Variants in STK38 observed in about 807,000 individuals in gnomAD.
STK38 encodes serine/threonine kinase 38.
STK38 carries 26 observed loss-of-function variants against 59.0 expected under a neutral mutation model. The observed-to-expected ratio is 0.44, with a 90% confidence interval of 0.32 to 0.61. STK38 has a LOEUF of 0.61. STK38 is among the 20% of genes least tolerant of loss of function. The pLI is 0.04. For synonymous variants in STK38, 175 were observed against 176.6 expected, an observed-to-expected ratio of 0.99 and a Z score of 0.07; for missense variants, 433 against 566.0, an observed-to-expected ratio of 0.76 and a Z score of 2.38.
intron 5 of STK38, 95 bp from the exon 6 acceptor site, chr6:36,517,935 G>A: frequency 7.2e-7 from 1 of 1,395,168 alleles, no homozygotes; most frequent in Non-Finnish European, 9.6e-7. Flanking sequence ...CTTAAATACT[G>A]TTTTGAGTAT....
In STK38 at chr6:36,499,963, A is replaced by G. The variant is rs751937208; in HGVS notation, c.862T>C (p.Tyr288His). The G allele has an allele frequency of 1.2e-6, 2 of 1,614,058 alleles. No homozygotes were observed. Among genetic ancestry groups the G allele is most frequent in the Non-Finnish European group, 1.7e-6 (2 of 1,179,962 alleles). ...LAFSTVGTPD[Y>H]IAPEVFMQTG... ...TGCATGAACACCTCAGGAGCAATGTAGTCAGGAGTGCCTACTGTGGAGAAG... is the reference window on the plus strand; with the variant it reads ...TGCATGAACACCTCAGGAGCAATGTGGTCAGGAGTGCCTACTGTGGAGAAG... Residue 288 changes from tyrosine to histidine, a missense_variant, in exon 10 of 14, where the codon TAC (tyrosine) becomes CAC (histidine). Transcript: ENST00000229812.
At chr6:36,525,213 A>G (rs1777481990) in intron 3 of STK38, among the ~76,000 whole-genome samples, 1 of 152,236 alleles carries the variant, frequency 6.6e-6, no homozygotes, top group Non-Finnish European at 1.5e-5. Context: ...CATGTTCAGC[A>G]CACGTATGTA....
Position 36,546,522 on chromosome 6 carries a change from C to A in STK38, c.-6+668G>T, listed in dbSNP as rs149435632. 1.2e-3 allele frequency among the ~76,000 whole-genome samples: 185 copies of A among 152,336 alleles called. 1 individual carries two copies. Among genetic ancestry groups the A allele is most frequent in the African/African-American group, 3.9e-3 (163 of 41,582 alleles). ...GGTGCATTTCAAACAGAACAAGTTT[C>A]TCTCCGAGTCTTTTAGTCGTTTCAG... On this transcript the variant is annotated intron_variant, in intron 1 of 13. Coordinates refer to ENST00000229812, the MANE Select transcript of STK38 (RefSeq NM_007271.4).
At chr6:36,502,143 CT>C (rs1046003165) in intron 9 of STK38, among the ~76,000 whole-genome samples, 2 of 151,016 alleles carry the variant, frequency 1.3e-5, no homozygotes, top group East Asian at 1.9e-4. Context: ...AATGGGATCT[CT>C]TTTTTTTTCT....
At chr6:36,544,623 C>T (rs981817150) in intron 1 of STK38, among the ~76,000 whole-genome samples, 3 of 152,168 alleles carry the variant, frequency 2.0e-5, no homozygotes, top group African/African-American at 7.2e-5. Context: ...CTGGTGCACC[C>T]CTGTAATCTC....
rs1253220593 is a variant in STK38, at chr6:36,518,090, G to A, written c.391-250C>T. Among the ~76,000 whole-genome samples the A allele has an allele frequency of 2.0e-5, 3 of 152,172 alleles. No individual in the cohort carries two copies. The South Asian group carries it at 6.2e-4, about 31-fold the overall frequency. ...AAATGGCAAAATGAATGGCTTTAATGCAAATAGCAACTTTAACACTGCTAT... is the reference window on the plus strand; with the variant it reads ...AAATGGCAAAATGAATGGCTTTAATACAAATAGCAACTTTAACACTGCTAT... On this transcript the variant is annotated intron_variant, in intron 5 of 13. Coordinates refer to ENST00000229812, the MANE Select transcript of STK38 (RefSeq NM_007271.4).
chr6:36,512,215 T>A (rs1777127464), intron 7 of STK38, among the ~76,000 whole-genome samples: 1 of 152,244 alleles, frequency 6.6e-6, no homozygotes, highest in South Asian at 2.1e-4. Flanking sequence ...TTTAGGACTA[T>A]AATCTATGTG....
intron 2 of STK38, among the ~76,000 whole-genome samples, chr6:36,535,118 T>C (rs540374125): frequency 9.9e-5 from 15 of 152,182 alleles, no homozygotes; most frequent in African/African-American, 3.6e-4. Context: ...CACTAAAAAT[T>C]ATGAAAACAC....
At chr6:36,507,930 A>ATTTTTTTT (rs35789250) in intron 7 of STK38, among the ~76,000 whole-genome samples, 2 of 113,258 alleles carry the variant, frequency 1.8e-5, no homozygotes, top group Admixed American at 1.1e-4. Context: ...GGTATTCAGA[A>ATTTTTTTT]TTTTTTTTTT....
intron 2 of STK38, among the ~76,000 whole-genome samples, chr6:36,539,566 G>A (rs182286247): frequency 7.9e-5 from 12 of 152,184 alleles, no homozygotes; most frequent in Admixed American, 2.6e-4. Context: ...AAGGCAAGTA[G>A]TATTATCCCC....
At chr6:36,502,030 A>G (rs570274311) in intron 9 of STK38, among the ~76,000 whole-genome samples, 1 of 152,312 alleles carries the variant, frequency 6.6e-6, no homozygotes, top group South Asian at 2.1e-4. Context: ...GTTAGTCCCT[A>G]TTTAAACCAA....
rs568096878 is a variant in STK38, at chr6:36,541,605, A to T, written c.-5-1398T>A. Among the ~76,000 whole-genome samples, 8 of 152,328 alleles carry T rather than the reference A, an allele frequency of 5.3e-5. No homozygotes were observed. In the East Asian group the frequency reaches 1.5e-3, roughly 29 times the overall value. On this transcript the variant is annotated intron_variant, in intron 1 of 13. Transcript: ENST00000229812. ...CAATAAAATAATGTGCAGACAATTAAAATATGTCCAAATAGTTAATGTCAG... is the reference window on the plus strand; with the variant it reads ...CAATAAAATAATGTGCAGACAATTATAATATGTCCAAATAGTTAATGTCAG...
At chr6:36,506,681 G>A (rs746164757) in intron 8 of STK38, 37 bp from the exon 9 acceptor site, 3 of 1,594,006 alleles carry the variant, frequency 1.9e-6, no homozygotes, top group Non-Finnish European at 2.6e-6. Context: ...TCAAAGTTCA[G>A]ACCAAAATGT....
chr6:36,517,457 T>C (rs1434643045), intron 6 of STK38, among the ~76,000 whole-genome samples: 1 of 152,128 alleles, frequency 6.6e-6, no homozygotes, highest in African/African-American at 2.4e-5. Flanking sequence ...TTCCTATATA[T>C]TTTAAAAAGA....
chr6:36,521,612 T>C (rs1777377243), intron 5 of STK38, 122 bp downstream of exon 5: 2 of 570,292 alleles, frequency 3.5e-6, no homozygotes, highest in East Asian at 3.4e-5. Context: ...ATTATATATA[T>C]AGTCATACAT....
intron 8 of STK38, among the ~76,000 whole-genome samples, chr6:36,507,244 C>T (rs1776984900): frequency 6.6e-6 from 1 of 152,024 alleles, no homozygotes; most frequent in Non-Finnish European, 1.5e-5. Flanking sequence ...GCTTGCTTGT[C>T]CCATACTCAT....
At chr6:36,509,458 C>T (rs1409702100) in intron 7 of STK38, among the ~76,000 whole-genome samples, 3 of 152,072 alleles carry the variant, frequency 2.0e-5, no homozygotes, top group East Asian at 1.9e-4. Flanking sequence ...AGGATTTGGC[C>T]GAAAGCAGCC....
intron 2 of STK38, among the ~76,000 whole-genome samples, chr6:36,527,012 T>C (rs1777530303): frequency 6.6e-6 from 1 of 151,462 alleles, no homozygotes; most frequent in African/African-American, 2.4e-5. Context: ...GCCAACATAG[T>C]AAAACCCTGT....
At chr6:36,519,636 AATATAG>A (rs138088701) in intron 5 of STK38, among the ~76,000 whole-genome samples, 1,534 of 152,314 alleles carry the variant, frequency 0.01, 15 homozygotes, top group Middle Eastern at 0.061. Context: ...GAGTTGGCTG[AATATAG>A]ATTAAGGGAG....
Sources: gnomAD v4.1 joint callset for allele counts (sites outside exome capture counted in the v4.1 genomes callset) on GRCh38, gnomAD v4.1.1 for gene constraint, MANE v1.5 for transcripts, NCBI Gene and HGNC (gene_info 2026-07-23, HGNC 2026-07-21) for gene names.